The following KANK1 variants were observed in gnomAD, a reference collection of about 807,000 sequenced individuals.
The protein encoded by KANK1 is KN motif and ankyrin repeat domain-containing protein 1.
KANK1 carries 109 observed loss-of-function variants against 106.2 expected under a neutral mutation model. That is an observed-to-expected ratio of 1.03 (90% CI 0.88 to 1.20). The LOEUF (loss-of-function observed/expected upper bound fraction) is 1.20, where lower values mean the gene tolerates loss of function less well. KANK1 is among the 50% of genes most tolerant of loss of function. The probability of loss-of-function intolerance (pLI) is 0.00; values close to 1 mark genes in which losing one functional copy is unlikely to be tolerated. For missense variants in KANK1, 2,399 were observed against 1,710.7 expected, an observed-to-expected ratio of 1.40 and a Z score of -7.10; for synonymous variants, 873 against 652.2, an observed-to-expected ratio of 1.34 and a Z score of -5.16.
chr9:620,182 T>C (rs566040764), intron 1 of KANK1, among the ~76,000 whole-genome samples: 1 of 152,068 alleles, frequency 6.6e-6, no homozygotes, highest in Non-Finnish European at 1.5e-5. Context: ...ATTTCAGGTC[T>C]AGGCAGGCAA....
chr9:501,997 CA>C (rs1447922897), upstream of KANK1, among the ~76,000 whole-genome samples: 1 of 152,188 alleles, frequency 6.6e-6, no homozygotes, highest in Non-Finnish European at 1.5e-5. Flanking sequence ...ATTCTATCAT[CA>C]GTAAATGGTA....
intron 1 of KANK1, among the ~76,000 whole-genome samples, chr9:561,956 T>C (rs2134422437): frequency 6.6e-6 from 1 of 152,074 alleles, no homozygotes; most frequent in South Asian, 2.1e-4. Context: ...GCATGTATGA[T>C]AGAAATAGTA....
intron 1 of KANK1, among the ~76,000 whole-genome samples, chr9:652,207 A>G (rs1841036754): frequency 6.6e-6 from 1 of 152,202 alleles, no homozygotes; most frequent in Admixed American, 6.5e-5. Flanking sequence ...AGCTATATGT[A>G]GAAGTACATT....
chr9:666,122 A>G (rs1844504323), intron 1 of KANK1, among the ~76,000 whole-genome samples: 1 of 152,160 alleles, frequency 6.6e-6, no homozygotes, highest in African/African-American at 2.4e-5. Context: ...TCAAGACTGC[A>G]GTGCTCACTG....
rs375054603 is a variant in KANK1 at position 713,254 on chromosome 9, A to T, written c.2488A>T (p.Ile830Phe). The change falls in exon 3 of 12, where the codon ATC becomes TTC. Residue 830 changes from isoleucine to phenylalanine, a missense_variant. Transcript: ENST00000382297. Reference sequence around the variant, plus strand: ...TGGCCTGGATCACTACATTGAGCGTATCCAGAAGCTGCTGGCAGAACAGCA... The same window carrying T: ...TGGCCTGGATCACTACATTGAGCGTTTCCAGAAGCTGCTGGCAGAACAGCA... ...MTGLDHYIER[I>F]QKLLAEQQTL... The T allele has an allele frequency of 6.2e-7, 1 of 1,611,056 alleles. No homozygotes were observed. Among genetic ancestry groups the T allele is most frequent in the African/African-American group, 1.3e-5 (1 of 74,882 alleles).
intron 3 of KANK1, among the ~76,000 whole-genome samples, chr9:719,927 ATT>A (rs1828863959): frequency 6.6e-6 from 1 of 152,212 alleles, no homozygotes; most frequent in African/African-American, 2.4e-5. Context: ...TGCTTTTAAC[ATT>A]CCTTTATGTC....
intron 1 of KANK1, among the ~76,000 whole-genome samples, chr9:527,694 C>CTT (rs748198713): frequency 2.8e-5 from 4 of 141,186 alleles, no homozygotes; most frequent in Non-Finnish European, 3.1e-5. Flanking sequence ...TCTAAATTGT[C>CTT]TTTTTTTTTT....
In KANK1 at chr9:606,746, T is replaced by A. The variant is rs1046566615; in HGVS notation, c.-83-70144T>A. ...TAAAGCTTTTTAAAAAGTAGAATTT[T>A]TATCTGTTTGTGGAGAGGACTGAAA... is the stretch of plus-strand genomic sequence containing the variant. On this transcript the variant is annotated intron_variant, in intron 1 of 11. Coordinates refer to ENST00000382297, the MANE Select transcript of KANK1 (RefSeq NM_015158.5). Among the ~76,000 whole-genome samples, 25 of 151,642 alleles carry A rather than the reference T, an allele frequency of 1.6e-4. 1 individual carries two copies. Among genetic ancestry groups the A allele is most frequent in the African/African-American group, 5.8e-4 (24 of 41,036 alleles).
intron 1 of KANK1, among the ~76,000 whole-genome samples, chr9:507,605 G>A (rs947429226): frequency 1.4e-5 from 2 of 141,558 alleles, no homozygotes; most frequent in Non-Finnish European, 3.1e-5. Context: ...TTGCCAGGCT[G>A]GAGTGCAGTG....
intron 1 of KANK1, chr9:660,277 T>C: frequency 4.2e-6 from 1 of 236,014 alleles, no homozygotes; most frequent in Non-Finnish European, 9.3e-6. Flanking sequence ...CAGTTCCTCT[T>C]AGAGATTGGA....
chr9:549,154 T>C (rs1453636264), intron 1 of KANK1: 1 of 152,062 alleles, frequency 6.6e-6, no homozygotes, highest in African/African-American at 2.4e-5. Flanking sequence ...TTTCACCTTC[T>C]CTGATTTTAT....
chr9:514,011 C>T (rs916471237), intron 1 of KANK1, among the ~76,000 whole-genome samples: 2 of 135,922 alleles, frequency 1.5e-5, no homozygotes, highest in Non-Finnish European at 3.0e-5. Context: ...AGCGAGACTC[C>T]GTCTCGAACA....
chr9:633,344 G>A (rs976838285), intron 1 of KANK1, among the ~76,000 whole-genome samples: 11 of 152,112 alleles, frequency 7.2e-5, no homozygotes, highest in Admixed American at 2.0e-4. Context: ...TGTAGTCCCA[G>A]CTACTTGGGA....
At chr9:720,367 CA>C (rs1828979458) in intron 3 of KANK1, among the ~76,000 whole-genome samples, 1 of 152,086 alleles carries the variant, frequency 6.6e-6, no homozygotes, top group African/African-American at 2.4e-5. Context: ...TTTGTTGAGA[CA>C]AGGTCTCACT....
chr9:652,516 T>C (rs1473873120), intron 1 of KANK1, among the ~76,000 whole-genome samples: 3 of 151,958 alleles, frequency 2.0e-5, no homozygotes, highest in Non-Finnish European at 4.4e-5. Flanking sequence ...AGAGCGAAAC[T>C]GTGTCTCAAA....
At chr9:717,366 T>C (rs1460664728) in intron 3 of KANK1, among the ~76,000 whole-genome samples, 1 of 152,222 alleles carries the variant, frequency 6.6e-6, no homozygotes, top group Non-Finnish European at 1.5e-5. Flanking sequence ...GGCACACTCC[T>C]GTGGTAGCCC....
intron 1 of KANK1, among the ~76,000 whole-genome samples, chr9:548,704 C>A (rs367974515): frequency 9.9e-5 from 15 of 152,042 alleles, no homozygotes; most frequent in African/African-American, 3.6e-4. Context: ...TGCATAGTTT[C>A]TCTGGGAATT....
chr9:524,114 T>G (rs976947793), intron 1 of KANK1, among the ~76,000 whole-genome samples: 2 of 151,794 alleles, frequency 1.3e-5, no homozygotes, highest in African/African-American at 4.9e-5. Context: ...GTTTATTTCC[T>G]TGATGAACAG....
intron 1 of KANK1, among the ~76,000 whole-genome samples, chr9:596,929 C>A (rs1359707202): frequency 7.0e-6 from 1 of 143,610 alleles, no homozygotes; most frequent in African/African-American, 2.5e-5. Context: ...CCCTGACAAT[C>A]ATTAATCTGC....
Sources: allele counts gnomAD v4.1 joint callset (sites outside exome capture counted in the v4.1 genomes callset), GRCh38; gene constraint gnomAD v4.1.1; transcripts MANE v1.5; gene names NCBI Gene and HGNC (gene_info 2026-07-23, HGNC 2026-07-21).